Variants in FAM107B observed in about 807,000 individuals in gnomAD.
FAM107B encodes protein FAM107B.
Under a neutral mutation model 31.5 loss-of-function variants are expected in FAM107B, and 21 were observed. The ratio of observed to expected loss-of-function variants is 0.67; its 90% CI spans 0.47 to 0.96. The LOEUF is 0.96. Among genes scored for constraint, FAM107B ranks in the 40% least tolerant of loss-of-function variants. FAM107B has a pLI of 0.00. For synonymous variants in FAM107B, 157 were observed against 141.5 expected (o/e 1.11, Z -0.78); for missense variants, 452 against 377.1 (o/e 1.20, Z -1.64).
chr10:14,566,917 C>T (rs866777861), intron 2 of FAM107B, among the ~76,000 whole-genome samples: 3 of 152,104 alleles, frequency 2.0e-5, no homozygotes, highest in African/African-American at 2.4e-5. Flanking sequence ...TTTGGGAGGC[C>T]GAGGCGGGCA....
chr10:14,755,873 T>C (rs1219247648), intron 1 of FAM107B, among the ~76,000 whole-genome samples: 1 of 152,160 alleles, frequency 6.6e-6, no homozygotes, highest in African/African-American at 2.4e-5. Context: ...AATTTTACTC[T>C]GAAAGTTTAA....
chr10:14,622,470 C>A (rs1853038912), intron 2 of FAM107B, among the ~76,000 whole-genome samples: 1 of 151,986 alleles, frequency 6.6e-6, no homozygotes, highest in African/African-American at 2.4e-5. Context: ...CCATGCCTGG[C>A]TAATTTTTGT....
intron 2 of FAM107B, among the ~76,000 whole-genome samples, chr10:14,646,581 C>T (rs1009508905): frequency 2.6e-5 from 4 of 152,120 alleles, no homozygotes; most frequent in Non-Finnish European, 4.4e-5. Context: ...GCTTGATGGG[C>T]ACTTAGGTTG....
At chr10:14,762,849 G>A (rs533942241) in intron 1 of FAM107B, among the ~76,000 whole-genome samples, 6 of 151,908 alleles carry the variant, frequency 3.9e-5, no homozygotes, top group African/African-American at 1.4e-4. Flanking sequence ...ACAGAAGCAT[G>A]ATGGATCTTG....
chr10:14,539,078 A>G (rs1847920301), intron 2 of FAM107B, among the ~76,000 whole-genome samples: 1 of 152,240 alleles, frequency 6.6e-6, no homozygotes, highest in African/African-American at 2.4e-5. Flanking sequence ...AAACTAATTC[A>G]TTACTCTAAC....
intron 2 of FAM107B, chr10:14,604,173 G>T: frequency 1.0e-6 from 1 of 959,550 alleles, no homozygotes. Flanking sequence ...GGGTCGGGCA[G>T]GGCCGCCGCC....
At chr10:14,707,693 C>T (rs1402157516) in intron 1 of FAM107B, among the ~76,000 whole-genome samples, 1 of 152,202 alleles carries the variant, frequency 6.6e-6, no homozygotes, top group Admixed American at 6.5e-5. Flanking sequence ...TGGGAGGGCC[C>T]AAGTATGTAT....
chr10:14,586,474 TG>T (rs1467599684), intron 2 of FAM107B, among the ~76,000 whole-genome samples: 1 of 152,180 alleles, frequency 6.6e-6, no homozygotes, highest in Non-Finnish European at 1.5e-5. Flanking sequence ...TGATGATATT[TG>T]GAAGTGGGGC....
intron 2 of FAM107B, among the ~76,000 whole-genome samples, chr10:14,643,753 A>T (rs998750854): frequency 6.6e-6 from 1 of 152,166 alleles, no homozygotes; most frequent in Admixed American, 6.5e-5. Flanking sequence ...CATTAATGTC[A>T]TCCAGAAACA....
intron 1 of FAM107B, among the ~76,000 whole-genome samples, chr10:14,690,528 G>A (rs371141925): frequency 6.6e-6 from 1 of 151,712 alleles, no homozygotes; most frequent in African/African-American, 2.4e-5. Context: ...AACTCAGCTC[G>A]CTGCAACCTC....
At chr10:14,664,432 T>C (rs1854355239) in intron 2 of FAM107B, among the ~76,000 whole-genome samples, 1 of 152,228 alleles carries the variant, frequency 6.6e-6, no homozygotes, top group South Asian at 2.1e-4. Flanking sequence ...GCAAACCACA[T>C]ATACAACAGT....
chr10:14,737,068 G>T (rs1006620215), intron 1 of FAM107B, among the ~76,000 whole-genome samples: 1 of 152,082 alleles, frequency 6.6e-6, no homozygotes, highest in Non-Finnish European at 1.5e-5. Context: ...GAGAAATGAA[G>T]GAAGCAAAAA....
intron 1 of FAM107B, among the ~76,000 whole-genome samples, chr10:14,738,588 T>C (rs1856363790): frequency 6.6e-6 from 1 of 152,152 alleles, no homozygotes; most frequent in Non-Finnish European, 1.5e-5. Context: ...CTGAAGCGTG[T>C]CACACGCCAC....
At chr10:14,631,267 C>T (rs568891986) in intron 2 of FAM107B, among the ~76,000 whole-genome samples, 20 of 152,294 alleles carry the variant, frequency 1.3e-4, no homozygotes, top group African/African-American at 4.3e-4. Flanking sequence ...CTAGTTTACT[C>T]CTCCAGGATT....
intron 2 of FAM107B, among the ~76,000 whole-genome samples, chr10:14,553,007 C>G (rs1166046191): frequency 2.0e-5 from 3 of 152,176 alleles, no homozygotes; most frequent in Non-Finnish European, 4.4e-5. Flanking sequence ...CGTCCAACAG[C>G]AATGTACATT....
At chr10:14,652,980 A>G (rs563208776) in intron 2 of FAM107B, 1 of 152,354 alleles carries the variant, frequency 6.6e-6, no homozygotes, top group South Asian at 2.1e-4. Context: ...GCACAGAAAA[A>G]AATGTGATGC....
At chr10:14,723,746 T>C in intron 1 of FAM107B, 1 of 757,690 alleles carries the variant, frequency 1.3e-6, no homozygotes, top group Non-Finnish European at 2.4e-6. Context: ...GTTCCAGGGG[T>C]GAAGTGGCCA....
chr10:14,671,898 AAAAAACC>A (rs1408606153), intron 1 of FAM107B, among the ~76,000 whole-genome samples: 4 of 150,448 alleles, frequency 2.7e-5, no homozygotes, highest in African/African-American at 9.8e-5. Context: ...AAAAACAAAA[AAAAAACC>A]CTCTATTTCT....
At chr10:14,644,249 T>A (rs1237104977) in intron 2 of FAM107B, among the ~76,000 whole-genome samples, 2 of 152,274 alleles carry the variant, frequency 1.3e-5, no homozygotes, top group African/African-American at 4.8e-5. Flanking sequence ...CAGGCACTCT[T>A]CTCATTTAAT....
Sources: allele counts gnomAD v4.1 joint callset (sites outside exome capture counted in the v4.1 genomes callset), GRCh38; gene constraint gnomAD v4.1.1; transcripts MANE v1.5; gene names NCBI Gene and HGNC (gene_info 2026-07-23, HGNC 2026-07-21).